Variants in ANKS1A observed in about 807,000 individuals in gnomAD.
ANKS1A encodes ankyrin repeat and sterile alpha motif domain containing 1A.
In ANKS1A, 55 loss-of-function variants were observed where a neutral mutation model predicts 120.3. The ratio of observed to expected loss-of-function variants is 0.46; its 90% CI spans 0.37 to 0.57. The LOEUF (loss-of-function observed/expected upper bound fraction) is 0.57, where lower values mean the gene tolerates loss of function less well. Among genes scored for constraint, ANKS1A ranks in the 20% least tolerant of loss-of-function variants. The pLI is 0.00. For missense variants in ANKS1A, 1,123 were observed against 1,480.3 expected (o/e 0.76, Z 3.96); for synonymous variants, 590 against 604.7 (o/e 0.98, Z 0.36).
At chr6:35,019,344 A>G (rs1480628814) in intron 11 of ANKS1A, among the ~76,000 whole-genome samples, 2 of 152,204 alleles carry the variant, frequency 1.3e-5, no homozygotes, top group Non-Finnish European at 2.9e-5. Context: ...TGTACACTTA[A>G]TGCCCTACCC....
chr6:35,010,016 C>T (rs1258702311), intron 10 of ANKS1A: 1 of 200,992 alleles, frequency 5.0e-6, no homozygotes. Flanking sequence ...CTTGTCTCTA[C>T]GAAAATAAAA....
chr6:34,976,721 TG>T (rs1304239133), intron 3 of ANKS1A, among the ~76,000 whole-genome samples: 2 of 152,130 alleles, frequency 1.3e-5, no homozygotes, highest in Admixed American at 1.3e-4. Context: ...ACACTCTTCT[TG>T]ATACTACAGT....
In ANKS1A at chr6:34,889,470, T is replaced by G; in HGVS notation, c.68T>G (p.Leu23Arg). 1 of 1,287,126 alleles carries G rather than the reference T, an allele frequency of 7.8e-7. No individual in the cohort carries two copies. The allele number at this position is 1,287,126 out of a possible 1,614,324, so 79.7% of individuals were successfully genotyped here. Reference sequence around the variant, plus strand: ...CACCTCCCGGCGGTGGAGAAGCTGCTGTCCGGGAAGCGGCTCTCCTCAGGC... The same window carrying G: ...CACCTCCCGGCGGTGGAGAAGCTGCGGTCCGGGAAGCGGCTCTCCTCAGGC... ...TGHLPAVEKL[L>R]SGKRLSSGFG... Residue 23 changes from leucine (L) to arginine (R), a missense_variant, in exon 1 of 24, where the codon CTG becomes CGG. Coordinates refer to ENST00000360359, the MANE Select transcript of ANKS1A (RefSeq NM_015245.3). This position sits in a 1 kb window ranked among gnomAD's most constrained non-coding sequence, Gnocchi z 5.5.
intron 11 of ANKS1A, among the ~76,000 whole-genome samples, chr6:35,045,604 G>A (rs1015102985): frequency 6.6e-6 from 1 of 152,224 alleles, no homozygotes. Context: ...GAGTGAAAGC[G>A]AGGCTTGAAA....
chr6:35,056,232 G>T (rs1776212831), intron 12 of ANKS1A, among the ~76,000 whole-genome samples: 1 of 152,230 alleles, frequency 6.6e-6, no homozygotes, highest in African/African-American at 2.4e-5. Flanking sequence ...CTCTTCCCGT[G>T]ACATCTGGTC....
chr6:35,096,038 G>C (rs920373829), downstream of ANKS1A, among the ~76,000 whole-genome samples: 1 of 152,146 alleles, frequency 6.6e-6, no homozygotes, highest in Non-Finnish European at 1.5e-5. Context: ...CACTCCATTT[G>C]TTATTGAGAT....
At chr6:35,087,181 T>C in intron 23 of ANKS1A, 132 bp downstream of exon 23, 1 of 876,576 alleles carries the variant, frequency 1.1e-6, no homozygotes. Flanking sequence ...CCACCTGCAC[T>C]GGGACCTGCT....
At chr6:34,935,788 C>T (rs984701383) in intron 1 of ANKS1A, among the ~76,000 whole-genome samples, 23 of 151,922 alleles carry the variant, frequency 1.5e-4, no homozygotes, top group Middle Eastern at 3.4e-3. Flanking sequence ...GTGGGCCGGG[C>T]GCGGTGGCTC....
intron 10 of ANKS1A, among the ~76,000 whole-genome samples, chr6:35,012,984 G>T (rs571278753): frequency 6.6e-6 from 1 of 152,136 alleles, no homozygotes; most frequent in Non-Finnish European, 1.5e-5. Flanking sequence ...GTCCCTGGGC[G>T]TGAGGTTTGT....
chr6:34,896,799 T>C (rs558224695), intron 1 of ANKS1A, among the ~76,000 whole-genome samples: 4 of 152,216 alleles, frequency 2.6e-5, no homozygotes, highest in Admixed American at 2.6e-4. Flanking sequence ...ACCCCATCTC[T>C]ATTAAAAATA....
At chr6:34,972,532 T>C in intron 3 of ANKS1A, 2 of 927,352 alleles carry the variant, frequency 2.2e-6, no homozygotes, top group Non-Finnish European at 2.6e-6. Flanking sequence ...TGCTTTGATA[T>C]ATTTCATCCA....
At chr6:35,008,895 TAAGG>T (rs1393017495) in intron 10 of ANKS1A, among the ~76,000 whole-genome samples, 1 of 151,926 alleles carries the variant, frequency 6.6e-6, no homozygotes, top group African/African-American at 2.4e-5. Context: ...TAGGCAGAAG[TAAGG>T]AAGGAGAGAG....
intron 10 of ANKS1A, among the ~76,000 whole-genome samples, chr6:35,014,588 A>G (rs949257057): frequency 6.6e-6 from 1 of 152,114 alleles, no homozygotes; most frequent in Non-Finnish European, 1.5e-5. Context: ...AGCAGTTAGA[A>G]CATTCTCTGT....
rs1778208504 is a variant in ANKS1A at position 35,089,908 on chromosome 6, A to G, written c.*1299A>G. On this transcript the variant is annotated 3_prime_UTR_variant, in exon 24 of 24. Coordinates refer to ENST00000360359, the MANE Select transcript of ANKS1A (RefSeq NM_015245.3). ...TGGCATAGGTCAATCAGGTCCCAGG[A>G]TGAATAATCCAGGCTTCAGCAACAC... The G allele has an allele frequency of 4.4e-6, 5 of 1,149,206 alleles. No homozygotes were observed. The highest frequency in any genetic ancestry group is 5.4e-6 in the Non-Finnish European group (5 of 921,456). 71.2% of individuals were successfully genotyped at this position (1,149,206 alleles called of 1,614,324 possible). A position where few individuals can be genotyped will look rare whatever the true frequency, so the allele number is the denominator to read the frequency against.
intron 12 of ANKS1A, 70 bp downstream of exon 12, chr6:35,054,235 T>TGTG: frequency 1.4e-6 from 2 of 1,454,400 alleles, no homozygotes; most frequent in Non-Finnish European, 1.9e-6. Flanking sequence ...CAGGCTTTCC[T>TGTG]CTAACACAGA....
chr6:34,998,547 G>A (rs1297716971), intron 10 of ANKS1A, among the ~76,000 whole-genome samples: 1 of 152,128 alleles, frequency 6.6e-6, no homozygotes, highest in Non-Finnish European at 1.5e-5. Context: ...AGCAACTGAT[G>A]TTATCTCTAG....
In ANKS1A at chr6:35,078,547, T is replaced by C; in HGVS notation, c.2185-11T>C. Reference sequence around the variant, plus strand: ...CAGGAGGGGCCCTGACATCCACCTTTCTGCTCTCAGGGGTCTAATGTGATG... The same window carrying C: ...CAGGAGGGGCCCTGACATCCACCTTCCTGCTCTCAGGGGTCTAATGTGATG... On this transcript the variant is annotated splice_polypyrimidine_tract_variant and intron_variant, in intron 13 of 23. Coordinates refer to ENST00000360359, the MANE Select transcript of ANKS1A (RefSeq NM_015245.3). 6.2e-7 allele frequency: 1 copy of C among 1,610,624 alleles called. No homozygotes were observed. The highest frequency in any genetic ancestry group is 1.1e-5 in the South Asian group (1 of 91,064).
chr6:35,093,719 C>G (rs1314696246), downstream of ANKS1A, among the ~76,000 whole-genome samples: 2 of 152,144 alleles, frequency 1.3e-5, no homozygotes, highest in African/African-American at 4.8e-5. Flanking sequence ...CCAGTGGGCA[C>G]AGACAAAAAC....
chr6:34,995,905 C>T (rs150980828), intron 10 of ANKS1A, among the ~76,000 whole-genome samples: 3 of 152,242 alleles, frequency 2.0e-5, no homozygotes, highest in African/African-American at 4.8e-5. Context: ...TTTCATATCA[C>T]TTAGATATGT....
Sources: allele counts gnomAD v4.1 joint callset (sites outside exome capture counted in the v4.1 genomes callset), GRCh38; gene constraint gnomAD v4.1.1; non-coding constraint Gnocchi (gnomAD v3.1); transcripts MANE v1.5; gene names NCBI Gene and HGNC (gene_info 2026-07-23, HGNC 2026-07-21).